Variants in GRM5 observed in about 807,000 individuals in gnomAD.
GRM5 encodes the protein glutamate metabotropic receptor 5.
A neutral mutation model predicts 83.1 loss-of-function variants in GRM5; 19 were observed. The ratio of observed to expected loss-of-function variants is 0.23; its 90% CI spans 0.16 to 0.34. GRM5 has a LOEUF of 0.34. Among genes scored for constraint, GRM5 ranks in the 10% least tolerant of loss-of-function variants. The pLI is 1.00. For missense variants in GRM5, 1,160 were observed against 1,588.3 expected (o/e 0.73, Z 4.58); for synonymous variants, 675 against 633.6 (o/e 1.07, Z -0.98).
intron 2 of GRM5, among the ~76,000 whole-genome samples, chr11:88,887,421 A>T (rs545773805): frequency 5.9e-5 from 9 of 151,602 alleles, no homozygotes; most frequent in African/African-American, 1.9e-4. Flanking sequence ...TTTTTTTGAG[A>T]TCTATTTTTC....
intron 8 of GRM5, among the ~76,000 whole-genome samples, chr11:88,540,904 G>A (rs917837774): frequency 6.0e-5 from 9 of 151,170 alleles, no homozygotes; most frequent in African/African-American, 1.5e-4. Flanking sequence ...CCACCACCAC[G>A]CCTGGTTAAT....
intron 2 of GRM5, among the ~76,000 whole-genome samples, chr11:88,966,825 G>A (rs377106966): frequency 1.3e-5 from 2 of 152,048 alleles, no homozygotes; most frequent in South Asian, 2.1e-4. Context: ...TGACCAAGGC[G>A]CATACTATGG....
At chr11:88,682,934 G>GTT (rs5793342) in intron 3 of GRM5, among the ~76,000 whole-genome samples, 7 of 141,862 alleles carry the variant, frequency 4.9e-5, no homozygotes, top group South Asian at 4.5e-4. Context: ...AAACGGAATA[G>GTT]TTTTTTTTTT....
intron 4 of GRM5, among the ~76,000 whole-genome samples, chr11:88,623,062 G>T (rs540347221): frequency 6.6e-6 from 1 of 152,116 alleles, no homozygotes; most frequent in South Asian, 2.1e-4. Flanking sequence ...TGATAATGAT[G>T]ATGGTAATAA....
At chr11:89,005,497 A>T (rs1472263599) in intron 2 of GRM5, among the ~76,000 whole-genome samples, 1 of 152,198 alleles carries the variant, frequency 6.6e-6, no homozygotes, top group Non-Finnish European at 1.5e-5. Flanking sequence ...AGGTAACAGT[A>T]ATGGGAATGG....
intron 2 of GRM5, among the ~76,000 whole-genome samples, chr11:88,871,718 T>C (rs1944771315): frequency 6.6e-6 from 1 of 151,608 alleles, no homozygotes; most frequent in Non-Finnish European, 1.5e-5. Flanking sequence ...TTTATTCATG[T>C]AATATTTTCA....
At chr11:88,987,937 C>G (rs1253181380) in intron 2 of GRM5, among the ~76,000 whole-genome samples, 1 of 150,572 alleles carries the variant, frequency 6.6e-6, no homozygotes, top group African/African-American at 2.5e-5. Context: ...ACTGGAAACT[C>G]TAAAAAGCAG....
chr11:88,580,161 G>A (rs950793763), intron 7 of GRM5, among the ~76,000 whole-genome samples: 3 of 152,318 alleles, frequency 2.0e-5, no homozygotes, highest in African/African-American at 7.2e-5. Context: ...AGAAGGTAAA[G>A]ACCTGGATTT....
intron 8 of GRM5, among the ~76,000 whole-genome samples, chr11:88,544,307 T>C (rs183859316): frequency 5.3e-5 from 8 of 152,326 alleles, no homozygotes; most frequent in African/African-American, 1.7e-4. Context: ...GGTCATAACA[T>C]TCACTGAGCA....
chr11:88,814,003 T>C (rs1943628959), intron 3 of GRM5, among the ~76,000 whole-genome samples: 1 of 152,194 alleles, frequency 6.6e-6, no homozygotes, highest in Non-Finnish European at 1.5e-5. Flanking sequence ...GCTTATTGGA[T>C]GTAATAGTAC....
chr11:88,723,554 A>G (rs1565202116), intron 3 of GRM5, among the ~76,000 whole-genome samples: 1 of 151,990 alleles, frequency 6.6e-6, no homozygotes, highest in Non-Finnish European at 1.5e-5. Flanking sequence ...TTGTCTCTCA[A>G]ACAAATGGTT....
chr11:89,034,686 G>A (rs1319266030), intron 2 of GRM5, among the ~76,000 whole-genome samples: 1 of 151,594 alleles, frequency 6.6e-6, no homozygotes, highest in Admixed American at 6.6e-5. Flanking sequence ...GCTCTATTTG[G>A]TGTGCTTTCA....
At chr11:88,773,277 C>T (rs114769631) in intron 3 of GRM5, among the ~76,000 whole-genome samples, 1 of 152,132 alleles carries the variant, frequency 6.6e-6, no homozygotes, top group East Asian at 1.9e-4. Context: ...TGTTCATATC[C>T]TTTGTCCACT....
chr11:88,701,194 A>G (rs916871084), intron 3 of GRM5, among the ~76,000 whole-genome samples: 27 of 152,272 alleles, frequency 1.8e-4, no homozygotes, highest in African/African-American at 6.3e-4. Context: ...AAGGAAAGAA[A>G]CCACCATCTT....
At chr11:88,987,159 G>T (rs1939749048) in intron 2 of GRM5, among the ~76,000 whole-genome samples, 1 of 151,922 alleles carries the variant, frequency 6.6e-6, no homozygotes, top group African/African-American at 2.4e-5. Context: ...CGCGCACCGT[G>T]CACAAGCCGA....
At chr11:88,735,187 C>T (rs1182724474) in intron 3 of GRM5, among the ~76,000 whole-genome samples, 1 of 151,936 alleles carries the variant, frequency 6.6e-6, no homozygotes, top group African/African-American at 2.4e-5. Flanking sequence ...ATATTCACCA[C>T]ATTCTCACTC....
At chr11:88,728,455 G>A (rs1941731441) in intron 3 of GRM5, among the ~76,000 whole-genome samples, 1 of 152,032 alleles carries the variant, frequency 6.6e-6, no homozygotes, top group South Asian at 2.1e-4. Flanking sequence ...ACACCGAGGA[G>A]CTGGTACCAT....
rs116320974 is a variant in GRM5, at chr11:88,834,331, A to G, written c.911+15575T>C. On this transcript the variant is annotated intron_variant, in intron 3 of 9. Transcript: ENST00000305447. ...TTTTTTTAAAGTAAAATTAAGTAAG[A>G]AAACAGATTTTGGCATGTACAAAAA... is the stretch of plus-strand genomic sequence containing the variant. Among the ~76,000 whole-genome samples the G allele has an allele frequency of 5.8e-3, 888 of 152,358 alleles. 12 individuals carry two copies. The highest frequency in any genetic ancestry group is 0.02 in the African/African-American group (850 of 41,596).
intron 4 of GRM5, among the ~76,000 whole-genome samples, chr11:88,642,573 G>A (rs1362971106): frequency 6.6e-6 from 1 of 152,126 alleles, no homozygotes; most frequent in Non-Finnish European, 1.5e-5. Flanking sequence ...TTAAATATAA[G>A]TTCCAATTTT....
Sources: allele counts gnomAD v4.1 joint callset (sites outside exome capture counted in the v4.1 genomes callset), GRCh38; gene constraint gnomAD v4.1.1; transcripts MANE v1.5; gene names NCBI Gene and HGNC (gene_info 2026-07-23, HGNC 2026-07-21).